Variants in CSMD1 observed in about 807,000 individuals in gnomAD.
The protein encoded by CSMD1 is CUB and Sushi multiple domains 1, also known as CUB and sushi domain-containing protein 1.
A neutral mutation model predicts 417.5 loss-of-function variants in CSMD1; 213 were observed. The observed-to-expected ratio is 0.51, with a 90% confidence interval of 0.46 to 0.57. CSMD1 has a LOEUF of 0.57. CSMD1 is among the 20% of genes least tolerant of loss of function. The pLI is 0.00. For missense variants in CSMD1, 6,923 were observed against 4,529.7 expected (o/e 1.53, Z -15.17); for synonymous variants, 2,862 against 1,736.8 (o/e 1.65, Z -16.11).
chr8:4,049,072 AG>A (rs1276267774), intron 3 of CSMD1, among the ~76,000 whole-genome samples: 4 of 152,200 alleles, frequency 2.6e-5, no homozygotes, highest in Non-Finnish European at 5.9e-5. Flanking sequence ...TTTCATGGTT[AG>A]GAATTGCCTC....
intron 5 of CSMD1, among the ~76,000 whole-genome samples, chr8:3,959,369 C>A (rs1812170927): frequency 6.6e-6 from 1 of 152,116 alleles, no homozygotes; most frequent in Non-Finnish European, 1.5e-5. Context: ...TGTGATGGCG[C>A]CAGCCTGTAG....
At chr8:3,298,550 C>G (rs1804141906) in intron 25 of CSMD1, among the ~76,000 whole-genome samples, 1 of 152,118 alleles carries the variant, frequency 6.6e-6, no homozygotes, top group Non-Finnish European at 1.5e-5. Context: ...GCCTCCCAGG[C>G]TCAAGCAATT....
chr8:3,853,782 C>T (rs895177594), intron 5 of CSMD1, among the ~76,000 whole-genome samples: 2 of 151,396 alleles, frequency 1.3e-5, no homozygotes, highest in Non-Finnish European at 2.9e-5. Context: ...TGACGAGTTA[C>T]TGGGTGCAGC....
At chr8:3,959,431 G>T (rs1038075814) in intron 5 of CSMD1, among the ~76,000 whole-genome samples, 3 of 152,164 alleles carry the variant, frequency 2.0e-5, no homozygotes, top group African/African-American at 7.2e-5. Flanking sequence ...CCTGGGAGGT[G>T]GAGGTTGCAG....
rs1021065885 is a variant in CSMD1, at chr8:3,308,296, C to T, written c.3823+16G>A. 6.3e-6 allele frequency: 10 copies of T among 1,588,742 alleles called. No homozygotes were observed. In the South Asian group the frequency reaches 8.9e-5, roughly 14 times the overall value. ...GCCTGGCTTTTGCACAATGGTATGA[C>T]TGCTTCCACACTCACCTATGCACGA... On this transcript the variant is annotated intron_variant, in intron 24 of 69. Transcript: ENST00000635120.
chr8:3,306,370 TGCCATGCTG>T (rs1173425522), intron 25 of CSMD1, among the ~76,000 whole-genome samples: 10 of 152,328 alleles, frequency 6.6e-5, no homozygotes, highest in South Asian at 6.2e-4. Flanking sequence ...GATGGAGTTT[TGCCATGCTG>T]GCCAGGCTGA....
chr8:4,201,049 C>T (rs1208841733), intron 3 of CSMD1, among the ~76,000 whole-genome samples: 1 of 152,152 alleles, frequency 6.6e-6, no homozygotes, highest in Non-Finnish European at 1.5e-5. Context: ...CGAATTCAAA[C>T]ACCATTCACT....
chr8:4,973,288 T>A (rs1301161444), intron 1 of CSMD1, among the ~76,000 whole-genome samples: 2 of 152,180 alleles, frequency 1.3e-5, no homozygotes, highest in Non-Finnish European at 2.9e-5. Context: ...TCGCTTTAGG[T>A]ACATGATAAC....
chr8:3,202,195 T>C (rs375338227), intron 31 of CSMD1, among the ~76,000 whole-genome samples: 1 of 152,168 alleles, frequency 6.6e-6, no homozygotes, highest in Non-Finnish European at 1.5e-5. Flanking sequence ...CTGTAAAGAC[T>C]TCCCTATATT....
chr8:4,721,636 G>C (rs1045834173), intron 1 of CSMD1, among the ~76,000 whole-genome samples: 1 of 152,166 alleles, frequency 6.6e-6, no homozygotes, highest in Non-Finnish European at 1.5e-5. Context: ...GCCAATAATG[G>C]AAGAGTATGG....
chr8:4,245,576 C>A (rs1159147531), intron 3 of CSMD1, among the ~76,000 whole-genome samples: 1 of 152,216 alleles, frequency 6.6e-6, no homozygotes, highest in African/African-American at 2.4e-5. Flanking sequence ...AATGTGAGTT[C>A]ACAATCGATC....
chr8:4,526,850 C>T (rs192001343), intron 2 of CSMD1, among the ~76,000 whole-genome samples: 1 of 152,030 alleles, frequency 6.6e-6, no homozygotes, highest in South Asian at 2.1e-4. Flanking sequence ...TTTTCTCCCC[C>T]CAAGAAGACA....
intron 7 of CSMD1, among the ~76,000 whole-genome samples, chr8:3,651,786 G>A (rs1337921538): frequency 1.3e-5 from 2 of 150,458 alleles, no homozygotes; most frequent in African/African-American, 4.9e-5. Context: ...CACCATCAGA[G>A]CACCCACCAC....
At chr8:4,481,141 C>G (rs1481589961) in intron 2 of CSMD1, among the ~76,000 whole-genome samples, 2 of 152,180 alleles carry the variant, frequency 1.3e-5, no homozygotes, top group African/African-American at 2.4e-5. Flanking sequence ...GGCTTGAGAG[C>G]CACACATGTA....
At chr8:3,238,536 C>G (rs770510703) in intron 26 of CSMD1, among the ~76,000 whole-genome samples, 1 of 151,920 alleles carries the variant, frequency 6.6e-6, no homozygotes, top group African/African-American at 2.4e-5. Flanking sequence ...AGCGAGACTA[C>G]GGGCAGCATG....
rs537261148 is a variant in CSMD1, at chr8:4,552,243, G to C, written c.302+85099C>G. ...AATGTGAGCCTCCCTTTCAAGGTTA[G>C]TAACTCATCTGCTGTGTTTCTGCTT... On this transcript the variant is annotated intron_variant, in intron 2 of 69. Coordinates refer to ENST00000635120, the MANE Select transcript of CSMD1 (RefSeq NM_033225.6). Among the ~76,000 whole-genome samples the C allele has an allele frequency of 2.6e-5, 4 of 152,078 alleles. No individual in the cohort carries two copies. The South Asian group carries it at 6.2e-4, about 24-fold the overall frequency.
chr8:3,833,341 G>C (rs1802478818), intron 5 of CSMD1, among the ~76,000 whole-genome samples: 1 of 151,618 alleles, frequency 6.6e-6, no homozygotes, highest in South Asian at 2.1e-4. Context: ...TAAGCCTCTG[G>C]GCCATTTTAT....
chr8:3,694,793 C>G (rs1476317504), intron 7 of CSMD1, among the ~76,000 whole-genome samples: 1 of 151,700 alleles, frequency 6.6e-6, no homozygotes, highest in Non-Finnish European at 1.5e-5. Context: ...GCAGAAGTAA[C>G]AGAAAGTGCA....
chr8:4,135,628 C>A (rs1367175548), intron 3 of CSMD1, among the ~76,000 whole-genome samples: 12 of 151,842 alleles, frequency 7.9e-5, no homozygotes, highest in Non-Finnish European at 1.0e-4. Flanking sequence ...GTTAATAGTT[C>A]AAAGATGTTT....
Sources: allele counts gnomAD v4.1 joint callset (sites outside exome capture counted in the v4.1 genomes callset), GRCh38; gene constraint gnomAD v4.1.1; transcripts MANE v1.5; gene names NCBI Gene and HGNC (gene_info 2026-07-23, HGNC 2026-07-21).